The following MAST4 variants were observed in gnomAD, a reference collection of about 807,000 sequenced individuals.
MAST4 encodes microtubule-associated serine/threonine-protein kinase 4.
In MAST4, 89 loss-of-function variants were observed where a neutral mutation model predicts 162.7. The observed-to-expected ratio is 0.55, with a 90% CI of 0.46 to 0.65. MAST4 has a LOEUF of 0.65. MAST4 is among the 30% of genes least tolerant of loss of function. The probability of loss-of-function intolerance (pLI) is 0.00; values close to 1 mark genes in which losing one functional copy is unlikely to be tolerated. For synonymous variants in MAST4, 1,479 were observed against 1,361.1 expected (o/e 1.09, Z -1.91); for missense variants, 3,153 against 3,374.0 (o/e 0.93, Z 1.62).
At chr5:66,619,079 A>G (rs1431295962) in intron 1 of MAST4, among the ~76,000 whole-genome samples, 1 of 152,248 alleles carries the variant, frequency 6.6e-6, no homozygotes, top group Non-Finnish European at 1.5e-5. Context: ...GGTGAAGAGA[A>G]TAACACTTGT....
At chr5:67,081,508 A>C (rs1762652493) in intron 5 of MAST4, among the ~76,000 whole-genome samples, 1 of 152,094 alleles carries the variant, frequency 6.6e-6, no homozygotes, top group South Asian at 2.1e-4. Context: ...AAAAAATATT[A>C]AGACTTCCTG....
At chr5:67,160,821 A>T (rs1389455005) in intron 27 of MAST4, among the ~76,000 whole-genome samples, 1 of 152,186 alleles carries the variant, frequency 6.6e-6, no homozygotes, top group Non-Finnish European at 1.5e-5. Context: ...GTTTTTTATC[A>T]TGTGTGAATG....
chr5:66,663,266 T>C (rs1257349712), intron 1 of MAST4, among the ~76,000 whole-genome samples: 3 of 152,234 alleles, frequency 2.0e-5, no homozygotes, highest in African/African-American at 4.8e-5. Flanking sequence ...TTTTTAGGAA[T>C]GGTCTCCTTT....
At chr5:66,908,660 T>G (rs1452865566) in intron 4 of MAST4, among the ~76,000 whole-genome samples, 1 of 152,184 alleles carries the variant, frequency 6.6e-6, no homozygotes. Flanking sequence ...AGTTTTTTAG[T>G]GAGCAGTCCT....
rs146732454 is a variant in MAST4 at position 66,994,005 on chromosome 5, G to T, written c.675-60399G>T. Among the ~76,000 whole-genome samples the T allele has an allele frequency of 2.1e-5, 3 of 140,524 alleles. No individual in the cohort carries two copies. The East Asian group carries it at 6.4e-4, about 30-fold the overall frequency. The allele number at this position is 140,524 out of a possible 152,430, so 92.2% of individuals were successfully genotyped here. On this transcript the variant is annotated intron_variant, in intron 4 of 28. Transcript: ENST00000403625. The stretch of plus-strand genomic sequence containing the variant: ...TGATAAGACAGAAACCATGTGTGGA[G>T]AAATACTGCTGTAGAACAATGGGGA...
At chr5:66,742,987 C>G (rs1280024434) in intron 1 of MAST4, among the ~76,000 whole-genome samples, 5 of 152,140 alleles carry the variant, frequency 3.3e-5, no homozygotes, top group African/African-American at 1.2e-4. Context: ...TGAATAGTAG[C>G]TTGCACTCTG....
chr5:67,077,038 G>A (rs983459581), intron 5 of MAST4, among the ~76,000 whole-genome samples: 5 of 152,212 alleles, frequency 3.3e-5, no homozygotes, highest in African/African-American at 1.2e-4. Flanking sequence ...GTGCATTTGA[G>A]TCACATGTGG....
chr5:66,608,757 T>G (rs1294371614), intron 1 of MAST4, among the ~76,000 whole-genome samples: 1 of 150,248 alleles, frequency 6.7e-6, no homozygotes, highest in Non-Finnish European at 1.5e-5. Flanking sequence ...GGCACGTCAG[T>G]TTTAGAATAA....
chr5:66,992,475 TG>T (rs11361897), intron 4 of MAST4, among the ~76,000 whole-genome samples: 43,249 of 152,046 alleles, frequency 0.28, 6,389 homozygotes, highest in African/African-American at 0.36. Flanking sequence ...TCCGAAGTCA[TG>T]GGCAGACTTT....
chr5:66,883,663 G>A (rs889576933), intron 3 of MAST4, among the ~76,000 whole-genome samples: 5 of 151,944 alleles, frequency 3.3e-5, no homozygotes, highest in African/African-American at 1.2e-4. Context: ...TCCTGACCTC[G>A]TGATCCACCC....
intron 3 of MAST4, among the ~76,000 whole-genome samples, chr5:66,879,278 C>CA (rs34519699): frequency 2.0e-5 from 3 of 150,466 alleles, no homozygotes; most frequent in East Asian, 3.9e-4. Context: ...GACTCCGTCT[C>CA]AAAAAAAAAG....
intron 1 of MAST4, among the ~76,000 whole-genome samples, chr5:66,643,349 G>A (rs191110309): frequency 1.3e-5 from 2 of 152,234 alleles, no homozygotes; most frequent in East Asian, 3.9e-4. Context: ...CTATTGCTGT[G>A]TCCCTGTGAT....
chr5:67,017,723 C>T (rs1332257935), intron 4 of MAST4, among the ~76,000 whole-genome samples: 1 of 151,374 alleles, frequency 6.6e-6, no homozygotes, highest in Non-Finnish European at 1.5e-5. Flanking sequence ...CCTGCCTCGG[C>T]CTCCCGAGTA....
intron 4 of MAST4, among the ~76,000 whole-genome samples, chr5:67,020,942 A>G (rs1753896780): frequency 6.6e-6 from 1 of 152,212 alleles, no homozygotes; most frequent in South Asian, 2.1e-4. Flanking sequence ...CTACAATGAC[A>G]GAGTCAAGTA....
At chr5:66,767,170 C>CGA (rs1554050619) in intron 2 of MAST4, among the ~76,000 whole-genome samples, 1 of 139,482 alleles carries the variant, frequency 7.2e-6, no homozygotes, top group Non-Finnish European at 1.5e-5. Flanking sequence ...GTAAAGTGCA[C>CGA]GTGTGTGTGT....
intron 3 of MAST4, among the ~76,000 whole-genome samples, chr5:66,796,281 T>A (rs1286711551): frequency 6.6e-6 from 1 of 152,190 alleles, no homozygotes; most frequent in East Asian, 1.9e-4. Flanking sequence ...TGAAGGGTAT[T>A]GCGATTCGGT....
chr5:67,164,334 C>T lies in MAST4; in HGVS notation c.5155C>T (p.Pro1719Ser). Residue 1719 changes from proline to serine, a missense_variant, in exon 29 of 29, where the codon CCA (proline) becomes TCA (serine). Around this residue, in one of 7 missense-constraint regions of MAST4, gnomAD observed 1,644 missense variants for 1,495.0 expected, o/e 1.10. Transcript: ENST00000403625. The surrounding 1 kb of genome is among the most constrained non-coding windows in gnomAD (Gnocchi z 5.3). ...KMTAGSHECL[P>S]GNPVRPTGGQ... Reference sequence around the variant, plus strand: ...GACAGCTGGCTCCCACGAATGCCTGCCAGGGAACCCAGTCCGACCCACGGG... The same window carrying T: ...GACAGCTGGCTCCCACGAATGCCTGTCAGGGAACCCAGTCCGACCCACGGG... 1 of 1,613,920 alleles carries T rather than the reference C, an allele frequency of 6.2e-7. No homozygotes were observed.
At chr5:67,095,554 A>G in intron 6 of MAST4, 43 bp from the exon 7 acceptor site, 1 of 1,475,530 alleles carries the variant, frequency 6.8e-7, no homozygotes, top group Non-Finnish European at 9.3e-7. Context: ...CCCATGTGAC[A>G]GTACGCCAGT....
intron 20 of MAST4, 49 bp downstream of exon 20, chr5:67,142,286 A>G (rs1561155718): frequency 6.3e-7 from 1 of 1,597,916 alleles, no homozygotes; most frequent in Non-Finnish European, 8.6e-7. Context: ...TACTCGATAA[A>G]TAATTATCTT....
Sources: allele counts gnomAD v4.1 joint callset (sites outside exome capture counted in the v4.1 genomes callset), GRCh38; gene constraint gnomAD v4.1.1; regional missense constraint gnomAD v4.1.1; non-coding constraint Gnocchi (gnomAD v3.1); transcripts MANE v1.5; gene names NCBI Gene and HGNC (gene_info 2026-07-23, HGNC 2026-07-21).